CARMIL3: variants seen among roughly 807,000 people sequenced by gnomAD.
CARMIL3 encodes the protein capping protein, Arp2/3 and myosin-I linker protein 3.
CARMIL3 carries 88 observed loss-of-function variants against 180.8 expected under a neutral mutation model. The observed-to-expected ratio is 0.49, with a 90% CI of 0.41 to 0.58. The LOEUF is 0.58. Ranked by LOEUF, CARMIL3 falls within the 20% of genes least tolerant of loss-of-function variation. CARMIL3 has a pLI of 0.00. For missense variants in CARMIL3, 1,548 were observed against 1,787.0 expected, an observed-to-expected ratio of 0.87 and a Z score of 2.41; for synonymous variants, 696 against 714.5, an observed-to-expected ratio of 0.97 and a Z score of 0.41.
At chr14:24,065,964 A>G (rs2035783100) in intron 34 of CARMIL3, among the ~76,000 whole-genome samples, 1 of 152,050 alleles carries the variant, frequency 6.6e-6, no homozygotes, top group Admixed American at 6.6e-5. Context: ...TTACTGTAAA[A>G]TGAGGGGTTA....
Position 24,064,343 on chromosome 14 carries a change from C to G in CARMIL3, c.3077C>G (p.Ser1026Cys). The G allele has an allele frequency of 6.2e-7, 1 of 1,606,766 alleles. No homozygotes were observed. Among genetic ancestry groups the G allele is most frequent in the Non-Finnish European group, 8.5e-7 (1 of 1,175,822 alleles). ...FFSRRVLEES[S>C]SYPRTLRTVR... ...AGCCGAAGGGTCCTGGAGGAAAGTT[C>G]TAGGTGTGATGCCTAAACACACTCC... Residue 1026 changes from serine to cysteine, a missense_variant, in exon 32 of 40, where the codon TCT (serine) becomes TGT (cysteine). This residue lies in a region of CARMIL3 where 668 missense variants were observed against 687.8 expected (regional missense o/e 0.97). Coordinates refer to ENST00000342740, the MANE Select transcript of CARMIL3 (RefSeq NM_138360.4).
Position 24,056,377 on chromosome 14 carries a change from C to T in CARMIL3, c.849C>T (p.Asn283=), listed in dbSNP as rs780355602. The T allele has an allele frequency of 1.2e-6, 2 of 1,613,648 alleles. No individual in the cohort carries two copies. Among genetic ancestry groups the T allele is most frequent in the Admixed American group, 1.7e-5 (1 of 59,982 alleles). ...TGCATGCCCTCACTCTGTCCCACAACCCCATCGAGGACAAGGGTGAGCCCC... is the reference window on the plus strand; with the variant it reads ...TGCATGCCCTCACTCTGTCCCACAATCCCATCGAGGACAAGGGTGAGCCCC... ...CVLHALTLSH[N]PIEDKGFLSL... The change falls in exon 11 of 40, where the codon AAC becomes AAT. Residue 283 remains asparagine, a synonymous_variant. Coordinates refer to ENST00000342740, the MANE Select transcript of CARMIL3 (RefSeq NM_138360.4).
Position 24,054,012 on chromosome 14 carries a change from T to A in CARMIL3, c.136-76T>A. On this transcript the variant is annotated intron_variant, in intron 2 of 39. Transcript: ENST00000342740. The surrounding 1 kb of genome is among the most constrained non-coding windows in gnomAD (Gnocchi z 5.1). ...TGGGGAGACACTCCAAGAGCAGAGC[T>A]GAAGGGCTTAAGGAGGGCAGGGCCA... is the stretch of plus-strand genomic sequence containing the variant. The A allele has an allele frequency of 3.3e-6, 5 of 1,537,212 alleles. No homozygotes were observed. The South Asian group carries it at 5.7e-5, about 18-fold the overall frequency.
rs756606579 is a variant in CARMIL3, at chr14:24,069,150, A to G, written c.3996A>G (p.Pro1332=). ...EEPEVQGPPD[P]GRRTAPLKPK... is the part of the protein sequence containing the mutation. ...TTGTTATTTCAGGGCCCCCTGATCC[A>G]GGCCGGCGGACTGCCCCCCTGAAGC... Residue 1332 remains proline, a synonymous_variant, in exon 39 of 40, where the codon CCA becomes CCG. Coordinates refer to ENST00000342740, the MANE Select transcript of CARMIL3 (RefSeq NM_138360.4). 8.1e-6 allele frequency: 13 copies of G among 1,613,952 alleles called. No homozygotes were observed. Among genetic ancestry groups the G allele is most frequent in the Non-Finnish European group, 1.1e-5 (13 of 1,179,960 alleles).
intron 24 of CARMIL3, 77 bp from the exon 25 acceptor site, chr14:24,060,551 T>C: frequency 1.3e-6 from 2 of 1,565,238 alleles, no homozygotes; most frequent in East Asian, 2.2e-5. Context: ...CCAGCACCAG[T>C]AGCACTGTCT....
Position 24,060,212 on chromosome 14 carries a change from C to T in CARMIL3, c.2018C>T (p.Ala673Val), listed in dbSNP as rs1180221021. 1 of 1,614,142 alleles carries T rather than the reference C, an allele frequency of 6.2e-7. No homozygotes were observed. The highest frequency in any genetic ancestry group is 1.1e-5 in the South Asian group (1 of 91,086). ...TCCCAGACGTGCCCCCAGGAGCAGG[C>T]CTTCAGGTTGCAGCAGGGCCTGGTG... is the stretch of plus-strand genomic sequence containing the variant. Reference protein sequence around the residue: ...NHSQTCPQEQAFRLQQGLVTS... With the variant: ...NHSQTCPQEQVFRLQQGLVTS... Residue 673 changes from alanine to valine, a missense_variant, in exon 24 of 40, where the codon GCC (alanine) becomes GTC (valine). Transcript: ENST00000342740.
chr14:24,053,251 C>A (rs1594545782), intron 1 of CARMIL3, among the ~76,000 whole-genome samples: 1 of 152,244 alleles, frequency 6.6e-6, no homozygotes, highest in Admixed American at 6.5e-5. Flanking sequence ...CCTGACATCT[C>A]CAGGAGGCAT....
At chr14:24,065,360 G>T in intron 33 of CARMIL3, 87 bp downstream of exon 33, 1 of 1,269,360 alleles carries the variant, frequency 7.9e-7, no homozygotes, top group South Asian at 1.6e-5. Flanking sequence ...CTTAATGGGA[G>T]AATGCTAGGA....
chr14:24,064,807 C>A (rs1399891278), intron 32 of CARMIL3, 151 bp from the exon 33 acceptor site: 1 of 812,828 alleles, frequency 1.2e-6, no homozygotes, highest in Non-Finnish European at 2.0e-6. Context: ...TACAACGGGA[C>A]AGGAAAGGCA....
At chr14:24,056,444 T>C in intron 11 of CARMIL3, 51 bp downstream of exon 11, 2 of 1,572,344 alleles carry the variant, frequency 1.3e-6, no homozygotes, top group Non-Finnish European at 1.7e-6. Context: ...ACCCCTGTCC[T>C]AGCCCAGAGC....
rs201325294 is a variant in CARMIL3, at chr14:24,065,035, G to A, written c.3158G>A (p.Arg1053Gln). The A allele has an allele frequency of 1.6e-4, 263 of 1,610,018 alleles. No individual in the cohort carries two copies. Among genetic ancestry groups the A allele is most frequent in the Non-Finnish European group, 1.8e-4 (212 of 1,178,900 alleles). Residue 1053 changes from arginine (R) to glutamine (Q), a missense_variant, in exon 33 of 40, where the codon CGG becomes CAG. Coordinates refer to ENST00000342740, the MANE Select transcript of CARMIL3 (RefSeq NM_138360.4). Reference sequence around the variant, plus strand: ...CCTCCACTCCAGAAGAAGAGGCGCCGGGGCCTGTTTCACTTTCGCCGGCCC... The same window carrying A: ...CCTCCACTCCAGAAGAAGAGGCGCCAGGGCCTGTTTCACTTTCGCCGGCCC... Reference protein sequence around the residue: ...PLPPLQKKRRRGLFHFRRPRS... With the variant: ...PLPPLQKKRRQGLFHFRRPRS...
In CARMIL3 at chr14:24,058,900, G is replaced by A. The variant is rs758969258; in HGVS notation, c.1485G>A (p.Ser495=). The A allele has an allele frequency of 2.5e-5, 40 of 1,614,038 alleles. No homozygotes were observed. In the South Asian group the frequency reaches 2.6e-4, roughly 11 times the overall value. The part of the protein sequence containing the change: ...SLDLSDNGFD[S]DLLTLVPALG... ...CCATCTGCTCACCAGGGTTCGACTCGGACCTCCTGACACTGGTGCCTGCAC... is the reference window on the plus strand; with the variant it reads ...CCATCTGCTCACCAGGGTTCGACTCAGACCTCCTGACACTGGTGCCTGCAC... The change falls in exon 19 of 40, where the codon TCG becomes TCA. Residue 495 remains serine, a synonymous_variant. Transcript: ENST00000342740. The surrounding 1 kb of genome is among the most constrained non-coding windows in gnomAD (Gnocchi z 6.4).
At position 24,058,869 on chromosome 14, in the gene CARMIL3, C is replaced by T. The variant is rs751308060; in HGVS notation, c.1475-21C>T. 19 of 1,613,832 alleles carry T rather than the reference C, an allele frequency of 1.2e-5. No individual in the cohort carries two copies. Among genetic ancestry groups the T allele is most frequent in the Admixed American group, 6.7e-5 (4 of 60,006 alleles). ...GTCAGCCTCAGGCCTCCAGGCCAGG[C>T]CTCTCCCATCTGCTCACCAGGGTTC... On this transcript the variant is annotated intron_variant, in intron 18 of 39. Transcript: ENST00000342740. This position sits in a 1 kb window ranked among gnomAD's most constrained non-coding sequence, Gnocchi z 6.4.
chr14:24,058,058 C>T lies in CARMIL3; in HGVS notation c.1316C>T (p.Ala439Val). The change falls in exon 16 of 40, where the codon GCC becomes GTC. Residue 439 changes from alanine to valine, a missense_variant. This residue lies in a region of CARMIL3 where 578 missense variants were observed against 666.5 expected (regional missense o/e 0.87). Coordinates refer to ENST00000342740, the MANE Select transcript of CARMIL3 (RefSeq NM_138360.4). The surrounding 1 kb of genome is among the most constrained non-coding windows in gnomAD (Gnocchi z 6.4). ...NLSATKLPLE[A>V]LRALLQGLSL... The stretch of plus-strand genomic sequence containing the variant: ...TCGGCCACAAAGCTGCCCCTGGAGG[C>T]CCTCAGGTCGGGTGGGTGCAGGGTT... The T allele has an allele frequency of 6.2e-7, 1 of 1,613,832 alleles. No individual in the cohort carries two copies. Among genetic ancestry groups the T allele is most frequent in the Non-Finnish European group, 8.5e-7 (1 of 1,180,022 alleles).
chr14:24,063,048 A>G, intron 29 of CARMIL3, 72 bp from the exon 30 acceptor site: 1 of 1,585,012 alleles, frequency 6.3e-7, no homozygotes, highest in Middle Eastern at 1.7e-4. Context: ...GATGGGCTCA[A>G]ATAAGGTTTC....
In CARMIL3 at chr14:24,064,318, A is replaced by G; in HGVS notation, c.3052A>G (p.Ser1018Gly). The G allele has an allele frequency of 1.2e-6, 2 of 1,612,364 alleles. No individual in the cohort carries two copies. The highest frequency in any genetic ancestry group is 1.1e-5 in the South Asian group (1 of 90,608). ...RLDEGLEDFF[S>G]RRVLEESSSY... ...GGATGAAGGGCTGGAGGACTTCTTCAGCCGAAGGGTCCTGGAGGAAAGTTC... is the reference window on the plus strand; with the variant it reads ...GGATGAAGGGCTGGAGGACTTCTTCGGCCGAAGGGTCCTGGAGGAAAGTTC... The change falls in exon 32 of 40, where the codon AGC becomes GGC. Residue 1018 changes from serine to glycine, a missense_variant. Physicochemically the swap from Ser to Gly is moderately conservative, Grantham distance 56. Coordinates refer to ENST00000342740, the MANE Select transcript of CARMIL3 (RefSeq NM_138360.4).
rs749754887 is a variant in CARMIL3 at position 24,068,626 on chromosome 14, C to T, written c.3725C>T (p.Pro1242Leu). Residue 1242 changes from proline (P) to leucine (L), a missense_variant, in exon 37 of 40, where the codon CCA becomes CTA. Physicochemically the swap from Pro to Leu is moderately conservative, Grantham distance 98 (BLOSUM62 -3). This residue lies in a region of CARMIL3 where 668 missense variants were observed against 687.8 expected (regional missense o/e 0.97). Coordinates refer to ENST00000342740, the MANE Select transcript of CARMIL3 (RefSeq NM_138360.4). ...APNHSCQSPS[P>L]ASQDGEEEKE... ...AACCACAGCTGCCAGAGTCCCAGCCCAGCCTCCCAAGATGGGGAAGAGGAG... is the reference window on the plus strand; with the variant it reads ...AACCACAGCTGCCAGAGTCCCAGCCTAGCCTCCCAAGATGGGGAAGAGGAG... 3 of 1,613,974 alleles carry T rather than the reference C, an allele frequency of 1.9e-6. No homozygotes were observed. Among genetic ancestry groups the T allele is most frequent in the Non-Finnish European group, 2.5e-6 (3 of 1,179,958 alleles).
Position 24,055,147 on chromosome 14 carries a change from C to T in CARMIL3, c.531+11C>T. 1 of 1,614,020 alleles carries T rather than the reference C, an allele frequency of 6.2e-7. No individual in the cohort carries two copies. The highest frequency in any genetic ancestry group is 1.3e-5 in the African/African-American group (1 of 75,030). On this transcript the variant is annotated intron_variant, in intron 7 of 39. Coordinates refer to ENST00000342740, the MANE Select transcript of CARMIL3 (RefSeq NM_138360.4). ...GAGGAGGTTCAATGGGTATGTTGGG[C>T]AGGGACCCCATAGGGAACAGGTGGG...
In CARMIL3 at chr14:24,054,257, A is replaced by C. The variant is rs772131827; in HGVS notation, c.202A>C (p.Asn68His). 1.2e-6 allele frequency: 2 copies of C among 1,614,106 alleles called. No individual in the cohort carries two copies. The highest frequency in any genetic ancestry group is 1.1e-5 in the South Asian group (1 of 91,086). ...TCCCTCCTAGGTGGAGAGCTCCTTCAATGTCCTGGAGATCCGTGCCTTCAA... is the reference window on the plus strand; with the variant it reads ...TCCCTCCTAGGTGGAGAGCTCCTTCCATGTCCTGGAGATCCGTGCCTTCAA... ...KVPAKVESSF[N>H]VLEIRAFNTL... Residue 68 changes from asparagine (N) to histidine (H), a missense_variant, in exon 4 of 40, where the codon AAT becomes CAT. Asn to His is a moderately conservative substitution (Grantham distance 68). Coordinates refer to ENST00000342740, the MANE Select transcript of CARMIL3 (RefSeq NM_138360.4). The surrounding 1 kb of genome is among the most constrained non-coding windows in gnomAD (Gnocchi z 5.1).
Sources: allele counts gnomAD v4.1 joint callset (sites outside exome capture counted in the v4.1 genomes callset), GRCh38; gene constraint gnomAD v4.1.1; regional missense constraint gnomAD v4.1.1; non-coding constraint Gnocchi (gnomAD v3.1); transcripts MANE v1.5; gene names NCBI Gene and HGNC (gene_info 2026-07-23, HGNC 2026-07-21).